PDGFD: variants seen among roughly 807,000 people sequenced by gnomAD.
The protein encoded by PDGFD is platelet-derived growth factor D.
PDGFD carries 30 observed loss-of-function variants against 44.7 expected under a neutral mutation model. That is an observed-to-expected ratio of 0.67 (90% CI 0.50 to 0.91). The LOEUF (loss-of-function observed/expected upper bound fraction) is 0.91. Among genes scored for constraint, PDGFD ranks in the 40% least tolerant of loss-of-function variants. The pLI is 0.00. For synonymous variants in PDGFD, 173 were observed against 168.4 expected (o/e 1.03, Z -0.21); for missense variants, 445 against 457.8 (o/e 0.97, Z 0.25).
chr11:103,967,754 T>C (rs1386096821), intron 3 of PDGFD, among the ~76,000 whole-genome samples: 1 of 152,232 alleles, frequency 6.6e-6, no homozygotes, highest in Admixed American at 6.5e-5. Flanking sequence ...GTTGCCTTTC[T>C]TCCACCCATA....
At chr11:104,004,508 G>T (rs1164746504) in intron 1 of PDGFD, among the ~76,000 whole-genome samples, 3 of 152,080 alleles carry the variant, frequency 2.0e-5, no homozygotes, top group African/African-American at 7.2e-5. Context: ...GTATCCTTGT[G>T]GTATGTGGAG....
At chr11:104,018,570 C>A (rs1362557477) in intron 1 of PDGFD, among the ~76,000 whole-genome samples, 2 of 152,146 alleles carry the variant, frequency 1.3e-5, no homozygotes, top group Non-Finnish European at 2.9e-5. Context: ...AGGAAGATGT[C>A]TTTTGGGGAA....
At position 104,011,855 on chromosome 11, in the gene PDGFD, G is replaced by A. The variant is rs186084518; in HGVS notation, c.125-11600C>T. Among the ~76,000 whole-genome samples the A allele has an allele frequency of 1.7e-3, 252 of 151,882 alleles. 3 individuals are homozygous for A. The highest frequency in any genetic ancestry group is 1.6e-4 in the Non-Finnish European group (11 of 67,890). Reference sequence around the variant, plus strand: ...AAATAATATCACATCCATATTCTCTGGTAAAAAAAAATATTCAAGTGCTTT... The same window carrying A: ...AAATAATATCACATCCATATTCTCTAGTAAAAAAAAATATTCAAGTGCTTT... On this transcript the variant is annotated intron_variant, in intron 1 of 6. Coordinates refer to ENST00000393158, the MANE Select transcript of PDGFD (RefSeq NM_025208.5).
intron 6 of PDGFD, among the ~76,000 whole-genome samples, chr11:103,919,700 G>C (rs1202028061): frequency 6.6e-6 from 1 of 151,452 alleles, no homozygotes; most frequent in African/African-American, 2.4e-5. Context: ...GTAGAGATGG[G>C]GTTTCCCCAC....
At chr11:104,163,495 A>G (rs1862420124) in intron 1 of PDGFD, among the ~76,000 whole-genome samples, 2 of 152,018 alleles carry the variant, frequency 1.3e-5, no homozygotes, top group Admixed American at 6.5e-5. Flanking sequence ...ACTTTCGCCA[A>G]CTCCGGGATG....
chr11:104,093,915 T>C (rs1861246437), intron 1 of PDGFD, among the ~76,000 whole-genome samples: 2 of 150,378 alleles, frequency 1.3e-5, no homozygotes, highest in Non-Finnish European at 3.0e-5. Flanking sequence ...CCTCACAACC[T>C]TCTCCAGCTA....
intron 1 of PDGFD, among the ~76,000 whole-genome samples, chr11:104,101,757 C>T (rs1443932187): frequency 1.3e-5 from 2 of 151,806 alleles, no homozygotes; most frequent in South Asian, 4.1e-4. Flanking sequence ...GAACAGAGCC[C>T]CCAGAAATAA....
chr11:104,063,729 T>C (rs1182921754), intron 1 of PDGFD, among the ~76,000 whole-genome samples: 4 of 151,246 alleles, frequency 2.6e-5, no homozygotes, highest in Non-Finnish European at 5.9e-5. Context: ...ATGGGGGAGG[T>C]GCCACACTTT....
intron 1 of PDGFD, among the ~76,000 whole-genome samples, chr11:104,001,803 T>C (rs1776307965): frequency 6.6e-6 from 1 of 152,198 alleles, no homozygotes; most frequent in Admixed American, 6.5e-5. Flanking sequence ...CTATGCTTGC[T>C]GGTGGAAACC....
At chr11:104,035,786 G>A (rs1300162171) in intron 1 of PDGFD, among the ~76,000 whole-genome samples, 1 of 152,008 alleles carries the variant, frequency 6.6e-6, no homozygotes, top group Non-Finnish European at 1.5e-5. Flanking sequence ...TTTGTAACAT[G>A]AAACTGCTTT....
At chr11:104,092,369 A>G (rs1160177616) in intron 1 of PDGFD, among the ~76,000 whole-genome samples, 1 of 152,216 alleles carries the variant, frequency 6.6e-6, no homozygotes, top group Non-Finnish European at 1.5e-5. Flanking sequence ...CTTATTTTAC[A>G]GAAGACAAAA....
At chr11:104,141,594 TG>T (rs1862086716) in intron 1 of PDGFD, among the ~76,000 whole-genome samples, 1 of 152,000 alleles carries the variant, frequency 6.6e-6, no homozygotes, top group African/African-American at 2.4e-5. Flanking sequence ...GCCACTGCAC[TG>T]AACCAAAAAA....
At chr11:103,931,577 T>TTTTTC (rs751928770) in intron 5 of PDGFD, among the ~76,000 whole-genome samples, 26 of 152,200 alleles carry the variant, frequency 1.7e-4, no homozygotes, top group African/African-American at 3.4e-4. Flanking sequence ...GTCAGTAATC[T>TTTTTC]TTTTCTTTTC....
intron 1 of PDGFD, among the ~76,000 whole-genome samples, chr11:104,159,135 A>G (rs1328872439): frequency 6.9e-6 from 1 of 145,948 alleles, no homozygotes; most frequent in African/African-American, 2.6e-5. Flanking sequence ...CCTGGGTGAC[A>G]AGAGGCAGAC....
chr11:104,095,566 CA>C (rs963333522), intron 1 of PDGFD, among the ~76,000 whole-genome samples: 1 of 149,406 alleles, frequency 6.7e-6, no homozygotes, highest in South Asian at 2.1e-4. Flanking sequence ...GTCTTAGAGA[CA>C]AAAAAATGGT....
chr11:104,090,746 T>C (rs1237512232), intron 1 of PDGFD, among the ~76,000 whole-genome samples: 5 of 356 alleles, frequency 0.014, no homozygotes, highest in Non-Finnish European at 0.081. Flanking sequence ...TTTACTGCAA[T>C]AGAGAAATAG....
At chr11:104,162,741 C>T (rs981342127) in intron 1 of PDGFD, among the ~76,000 whole-genome samples, 1 of 152,040 alleles carries the variant, frequency 6.6e-6, no homozygotes, top group Non-Finnish European at 1.5e-5. Context: ...GATAAGATGG[C>T]TAATAGGAAT....
intron 6 of PDGFD, among the ~76,000 whole-genome samples, chr11:103,923,800 A>G (rs1858262144): frequency 6.6e-6 from 1 of 152,146 alleles, no homozygotes; most frequent in African/African-American, 2.4e-5. Context: ...CTGGCTGGTG[A>G]TGGATGTTTA....
At chr11:104,142,805 T>C (rs1159039598) in intron 1 of PDGFD, among the ~76,000 whole-genome samples, 4 of 152,266 alleles carry the variant, frequency 2.6e-5, no homozygotes, top group Non-Finnish European at 4.4e-5. Context: ...AAGCCCTCTG[T>C]GGGATTAAAT....
Sources: gnomAD v4.1 joint callset for allele counts (sites outside exome capture counted in the v4.1 genomes callset) on GRCh38, gnomAD v4.1.1 for gene constraint, MANE v1.5 for transcripts, NCBI Gene and HGNC (gene_info 2026-07-23, HGNC 2026-07-21) for gene names.